TNKS: variants seen among roughly 807,000 people sequenced by gnomAD.
The protein encoded by TNKS is tankyrase.
In TNKS, 72 loss-of-function variants were observed where a neutral mutation model predicts 135.8. The observed-to-expected ratio is 0.53, with a 90% CI of 0.44 to 0.64. The LOEUF (loss-of-function observed/expected upper bound fraction) is 0.64, where lower values mean the gene tolerates loss of function less well. Ranked by LOEUF, TNKS falls within the 30% of genes least tolerant of loss-of-function variation. The probability of loss-of-function intolerance (pLI) is 0.00; values close to 1 mark genes in which losing one functional copy is unlikely to be tolerated. For synonymous variants in TNKS, 849 were observed against 649.3 expected (o/e 1.31, Z -4.68); for missense variants, 1,769 against 1,674.0 (o/e 1.06, Z -0.99).
intron 9 of TNKS, 112 bp from the exon 10 acceptor site, chr8:9,709,843 C>G (rs1273948221): frequency 9.3e-6 from 7 of 749,248 alleles, no homozygotes; most frequent in African/African-American, 1.8e-5. Context: ...TACATATGTT[C>G]TGATACTCTG....
In TNKS at chr8:9,556,463, G is replaced by T. The variant is rs750932295; in HGVS notation, c.524G>T (p.Gly175Val). 2 of 1,614,156 alleles carry T rather than the reference G, an allele frequency of 1.2e-6. No individual in the cohort carries two copies. Among genetic ancestry groups the T allele is most frequent in the East Asian group, 4.5e-5 (2 of 44,876 alleles). ...LGPGAAGPGT[G>V]VPAVSGALRE... Reference sequence around the variant, plus strand: ...CCTGGGGCAGCAGGACCTGGGACAGGGGTCCCAGCAGTGAGCGGGGCCCTA... The same window carrying T: ...CCTGGGGCAGCAGGACCTGGGACAGTGGTCCCAGCAGTGAGCGGGGCCCTA... The change falls in exon 1 of 27, where the codon GGG (glycine) becomes GTG (valine). Residue 175 changes from glycine to valine, a missense_variant. By Grantham distance (109) the Gly-to-Val change is moderately radical. Coordinates refer to ENST00000310430, the MANE Select transcript of TNKS (RefSeq NM_003747.3).
In TNKS at chr8:9,572,172, C is replaced by T. The variant is rs1274136383; in HGVS notation, c.674-7987C>T. Among the ~76,000 whole-genome samples the T allele has an allele frequency of 2.6e-5, 4 of 152,140 alleles. No individual in the cohort carries two copies. The East Asian group carries it at 7.7e-4, about 29-fold the overall frequency. ...TTCAACCAGGATCTTTCTGTGTTCA[C>T]CTTAGAGATTTTGCATATCTGAGAT... On this transcript the variant is annotated intron_variant, in intron 1 of 26. Transcript: ENST00000310430.
At position 9,763,671 on chromosome 8, in the gene TNKS, C is replaced by A. The variant is rs142599294; in HGVS notation, c.3372+427C>A. Among the ~76,000 whole-genome samples, 475 of 152,230 alleles carry A rather than the reference C, an allele frequency of 3.1e-3. 5 individuals carry two copies. Among genetic ancestry groups the A allele is most frequent in the African/African-American group, 0.011 (439 of 41,542 alleles). ...ATATGCCTAATCGTCACGTATGCTT[C>A]TGGGTCTGCCTCATTATTCTGCATA... On this transcript the variant is annotated intron_variant, in intron 22 of 26. Coordinates refer to ENST00000310430, the MANE Select transcript of TNKS (RefSeq NM_003747.3).
At chr8:9,668,955 GATTATT>G (rs141294183) in intron 3 of TNKS, among the ~76,000 whole-genome samples, 12 of 151,950 alleles carry the variant, frequency 7.9e-5, no homozygotes, top group Admixed American at 1.3e-4. Flanking sequence ...ATACTATTTT[GATTATT>G]ATTATTATTA....
Position 9,556,330 on chromosome 8 carries a change from T to C in TNKS, c.391T>C (p.Ser131Pro), listed in dbSNP as rs1306613329. 6.2e-7 allele frequency: 1 copy of C among 1,614,232 alleles called. No homozygotes were observed. Among genetic ancestry groups the C allele is most frequent in the South Asian group, 1.1e-5 (1 of 91,086 alleles). Residue 131 changes from serine to proline, a missense_variant, in exon 1 of 27, where the codon TCC becomes CCC. Ser to Pro is a moderately conservative substitution (Grantham distance 74, BLOSUM62 -1). Transcript: ENST00000310430. The stretch of plus-strand genomic sequence containing the variant: ...CAGTGGCAGTAACAATTCACCGTCG[T>C]CCTCTTCTTCCCCGACTTCTTCCTC... ...AGSGSNNSPS[S>P]SSSPTSSSSS...
chr8:9,683,887 C>T (rs1366446279), intron 5 of TNKS, among the ~76,000 whole-genome samples: 1 of 151,774 alleles, frequency 6.6e-6, no homozygotes, highest in Non-Finnish European at 1.5e-5. Flanking sequence ...TATATTGTTA[C>T]TATGCTTTTA....
At chr8:9,580,698 G>A (rs1798131974) in intron 2 of TNKS, among the ~76,000 whole-genome samples, 2 of 152,040 alleles carry the variant, frequency 1.3e-5, no homozygotes, top group Admixed American at 1.3e-4. Context: ...CCATCAATGA[G>A]AGCCATTATA....
rs1390270526 is a variant in TNKS at position 9,781,428 on chromosome 8, G to T, written c.*4692G>T. The T allele has an allele frequency of 6.6e-6, 1 of 152,178 alleles. No individual in the cohort carries two copies. The highest frequency in any genetic ancestry group is 2.4e-5 in the African/African-American group (1 of 41,430). The allele number at this position is 152,178 out of a possible 1,614,324, so 9.4% of individuals were successfully genotyped here. A position where few individuals can be genotyped will look rare whatever the true frequency, so the allele number is the denominator to read the frequency against. ...CCCGCGCACCCCTCCCAAAGTTCAG[G>T]ATGAAAGGCTAGAAAACCCATTCAA... is the stretch of plus-strand genomic sequence containing the variant. On this transcript the variant is annotated 3_prime_UTR_variant, in exon 27 of 27. Transcript: ENST00000310430.
At chr8:9,705,476 G>A (rs2128807576) in intron 6 of TNKS, among the ~76,000 whole-genome samples, 2 of 152,290 alleles carry the variant, frequency 1.3e-5, no homozygotes, top group Admixed American at 1.3e-4. Flanking sequence ...CTAGAGGAGA[G>A]TTTCTTTCAC....
intron 3 of TNKS, among the ~76,000 whole-genome samples, 183 bp downstream of exon 3, chr8:9,615,860 A>G (rs1027824433): frequency 6.6e-6 from 1 of 152,238 alleles, no homozygotes; most frequent in African/African-American, 2.4e-5. Context: ...TCGTAAGCAT[A>G]AGCAGTAAGA....
chr8:9,774,460 T>C (rs1212189535), intron 26 of TNKS, among the ~76,000 whole-genome samples: 1 of 152,184 alleles, frequency 6.6e-6, no homozygotes, highest in African/African-American at 2.4e-5. Context: ...TTAGCAGAAG[T>C]GGTTGTGTAT....
chr8:9,703,235 AT>A (rs890260531), intron 5 of TNKS, among the ~76,000 whole-genome samples: 2 of 152,180 alleles, frequency 1.3e-5, no homozygotes, highest in African/African-American at 4.8e-5. Context: ...GGAAGGGATG[AT>A]TCCCATCCAA....
At chr8:9,660,355 C>A (rs1019422085) in intron 3 of TNKS, among the ~76,000 whole-genome samples, 4 of 152,064 alleles carry the variant, frequency 2.6e-5, no homozygotes, top group African/African-American at 4.8e-5. Context: ...ACTGGCAAAC[C>A]GAATCCAGCA....
At position 9,766,415 on chromosome 8, in the gene TNKS, A is replaced by G. The variant is rs556642820; in HGVS notation, c.3730A>G (p.Ile1244Val). 6 of 1,593,164 alleles carry G rather than the reference A, an allele frequency of 3.8e-6. No homozygotes were observed. Among genetic ancestry groups the G allele is most frequent in the Middle Eastern group, 1.7e-4 (1 of 5,968 alleles). The stretch of plus-strand genomic sequence containing the variant: ...TACACACAAGGACAGGTCATGCTAT[A>G]TATGTCACAGGTAAGCATCTTGCCA... ...CPTHKDRSCY[I>V]CHRQMLFCRV... The change falls in exon 25 of 27, where the codon ATA becomes GTA. Residue 1244 changes from isoleucine to valine, a missense_variant. By Grantham distance (29) the Ile-to-Val change is conservative. Transcript: ENST00000310430.
At chr8:9,570,142 T>C (rs1797701517) in intron 1 of TNKS, among the ~76,000 whole-genome samples, 1 of 152,214 alleles carries the variant, frequency 6.6e-6, no homozygotes, top group African/African-American at 2.4e-5. Context: ...TTGAACCATT[T>C]ATTGAATAAT....
chr8:9,662,148 G>C (rs775913935), intron 3 of TNKS, among the ~76,000 whole-genome samples: 1 of 152,192 alleles, frequency 6.6e-6, no homozygotes, highest in African/African-American at 2.4e-5. Context: ...CTGTTGGTGG[G>C]ACTGTAAACT....
chr8:9,575,278 G>T, intron 1 of TNKS: 1 of 587,636 alleles, frequency 1.7e-6, no homozygotes, highest in Non-Finnish European at 2.1e-6. Context: ...AGTAGAGACG[G>T]GTTTCACCAT....
At chr8:9,717,906 A>G in intron 11 of TNKS, among the ~76,000 whole-genome samples, 1 of 152,184 alleles carries the variant, frequency 6.6e-6, no homozygotes, top group East Asian at 1.9e-4. Context: ...AATTTCAGCT[A>G]GGAATGTTCA....
Position 9,773,869 on chromosome 8 carries a change from A to G in TNKS, c.3898-2781A>G, listed in dbSNP as rs112640623. ...GCTAATTGAGTACTTTCTCATGAGC[A>G]GTTTTTGCTAATTTTATAGGGAAGT... On this transcript the variant is annotated intron_variant, in intron 26 of 26. Coordinates refer to ENST00000310430, the MANE Select transcript of TNKS (RefSeq NM_003747.3). 2.3e-3 allele frequency among the ~76,000 whole-genome samples: 349 copies of G among 152,300 alleles called. 1 individual carries two copies. Among genetic ancestry groups the G allele is most frequent in the Admixed American group, 5.2e-3 (79 of 15,302 alleles).
Sources: allele counts gnomAD v4.1 joint callset (sites outside exome capture counted in the v4.1 genomes callset), GRCh38; gene constraint gnomAD v4.1.1; transcripts MANE v1.5; gene names NCBI Gene and HGNC (gene_info 2026-07-23, HGNC 2026-07-21).